PPM1E: variants seen among roughly 807,000 people sequenced by gnomAD.
PPM1E encodes the protein protein phosphatase 1E.
A neutral mutation model predicts 65.9 loss-of-function variants in PPM1E; 20 were observed. The observed-to-expected ratio is 0.30, with a 90% CI of 0.21 to 0.44. PPM1E has a LOEUF of 0.44. Ranked by LOEUF, PPM1E falls within the 20% of genes least tolerant of loss-of-function variation. The pLI is 1.00. For synonymous variants in PPM1E, 352 were observed against 374.9 expected (o/e 0.94, Z 0.70); for missense variants, 713 against 953.1 (o/e 0.75, Z 3.32).
chr17:58,943,303 A>G (rs1410338401), intron 1 of PPM1E, among the ~76,000 whole-genome samples: 1 of 152,150 alleles, frequency 6.6e-6, no homozygotes, highest in East Asian at 1.9e-4. Flanking sequence ...ACTTAAATAA[A>G]AAACAAAACA....
chr17:58,773,621 G>C (rs892761873), intron 1 of PPM1E, among the ~76,000 whole-genome samples: 2 of 152,066 alleles, frequency 1.3e-5, no homozygotes, highest in African/African-American at 4.8e-5. Flanking sequence ...CCTTGAAGCA[G>C]AATTCATGTT....
intron 1 of PPM1E, among the ~76,000 whole-genome samples, chr17:58,827,912 AATAAT>A (rs2050558113): frequency 1.6e-5 from 2 of 125,834 alleles, no homozygotes; most frequent in African/African-American, 3.1e-5. Context: ...AAAAAAAAAA[AATAAT>A]AATAATAATA....
At chr17:58,831,875 A>G (rs1328042449) in intron 1 of PPM1E, among the ~76,000 whole-genome samples, 1 of 152,170 alleles carries the variant, frequency 6.6e-6, no homozygotes, top group African/African-American at 2.4e-5. Flanking sequence ...GGTTTCTGAG[A>G]TAAATACATG....
At chr17:58,804,891 A>G (rs34318942) in intron 1 of PPM1E, among the ~76,000 whole-genome samples, 6,346 of 152,208 alleles carry the variant, frequency 0.042, 195 homozygotes, top group Non-Finnish European at 0.062. Context: ...GGAACATTTC[A>G]AATTCTCTGT....
intron 1 of PPM1E, among the ~76,000 whole-genome samples, chr17:58,778,927 C>CATATATATAT (rs59563297): frequency 0.026 from 2,700 of 103,400 alleles, 92 homozygotes; most frequent in Non-Finnish European, 0.033. Context: ...ATGATACATA[C>CATATATATAT]ATATATATAT....
intron 6 of PPM1E, among the ~76,000 whole-genome samples, chr17:58,977,644 GA>G (rs1411311434): frequency 6.6e-6 from 1 of 152,152 alleles, no homozygotes; most frequent in Non-Finnish European, 1.5e-5. Context: ...CAACCTGCTA[GA>G]TAGGGCATGT....
chr17:58,917,103 GGGAGGCTGA>G (rs1453725133), intron 1 of PPM1E, among the ~76,000 whole-genome samples: 1 of 151,670 alleles, frequency 6.6e-6, no homozygotes, highest in African/African-American at 2.4e-5. Flanking sequence ...CCAACTACTC[GGGAGGCTGA>G]GGCATGATAA....
Position 58,876,941 on chromosome 17 carries a change from G to A in PPM1E, c.465-78708G>A, listed in dbSNP as rs538922521. Among the ~76,000 whole-genome samples the A allele has an allele frequency of 3.5e-3, 524 of 151,822 alleles. 6 individuals carry two copies. The highest frequency in any genetic ancestry group is 0.012 in the African/African-American group (513 of 41,240). On this transcript the variant is annotated intron_variant, in intron 1 of 6. Coordinates refer to ENST00000308249, the MANE Select transcript of PPM1E (RefSeq NM_014906.5). ...TGGGACTACAGGCACCCGCCACCAC[G>A]CCCAGCTAATTTTTTGTATTTTCAG...
intron 1 of PPM1E, among the ~76,000 whole-genome samples, chr17:58,819,714 G>C (rs2050460834): frequency 6.6e-6 from 1 of 151,888 alleles, no homozygotes; most frequent in African/African-American, 2.4e-5. Context: ...TAAGAGAGAG[G>C]GCAGGAGGGA....
At chr17:58,845,075 C>T (rs1319249915) in intron 1 of PPM1E, among the ~76,000 whole-genome samples, 2 of 152,144 alleles carry the variant, frequency 1.3e-5, no homozygotes, top group Non-Finnish European at 2.9e-5. Flanking sequence ...TTGCCTGTGT[C>T]TGAATGCCCA....
At chr17:58,805,649 TC>T in intron 1 of PPM1E, among the ~76,000 whole-genome samples, 1 of 152,118 alleles carries the variant, frequency 6.6e-6, no homozygotes, top group South Asian at 2.1e-4. Flanking sequence ...TACCATTTTT[TC>T]CAGATATTTC....
intron 1 of PPM1E, among the ~76,000 whole-genome samples, chr17:58,876,915 C>G (rs1396184076): frequency 6.6e-6 from 1 of 152,084 alleles, no homozygotes; most frequent in Non-Finnish European, 1.5e-5. Flanking sequence ...TCCCGAGTAG[C>G]TGGGACTACA....
At chr17:58,969,936 C>A (rs1371610043) in intron 4 of PPM1E, among the ~76,000 whole-genome samples, 1 of 152,158 alleles carries the variant, frequency 6.6e-6, no homozygotes, top group Non-Finnish European at 1.5e-5. Flanking sequence ...TATAGAAAAT[C>A]TCAAGCTGTA....
At chr17:58,779,702 G>T (rs1014776962) in intron 1 of PPM1E, among the ~76,000 whole-genome samples, 2 of 152,072 alleles carry the variant, frequency 1.3e-5, no homozygotes, top group African/African-American at 4.8e-5. Context: ...AAGTAATTAA[G>T]GCTGACTGTA....
chr17:58,826,242 A>C (rs1350248325), intron 1 of PPM1E, among the ~76,000 whole-genome samples: 1 of 150,388 alleles, frequency 6.6e-6, no homozygotes, highest in African/African-American at 2.4e-5. Context: ...GGTTGCAGTG[A>C]GCCGAGATGG....
chr17:58,883,767 G>A (rs1238323415), intron 1 of PPM1E, among the ~76,000 whole-genome samples: 2 of 151,634 alleles, frequency 1.3e-5, no homozygotes, highest in Non-Finnish European at 2.9e-5. Flanking sequence ...TTACAGGCGT[G>A]AGCCACCGCG....
chr17:58,865,703 AAAAC>A (rs953521066), intron 1 of PPM1E, among the ~76,000 whole-genome samples: 3 of 152,208 alleles, frequency 2.0e-5, no homozygotes, highest in Admixed American at 6.5e-5. Flanking sequence ...CCTGTCTCAA[AAAAC>A]AAACAAACAA....
At chr17:58,828,840 A>G (rs1325364656) in intron 1 of PPM1E, among the ~76,000 whole-genome samples, 1 of 152,066 alleles carries the variant, frequency 6.6e-6, no homozygotes, top group Non-Finnish European at 1.5e-5. Context: ...TGTTTTTTAA[A>G]TTATAGACAG....
chr17:58,922,908 C>A (rs918598095), intron 1 of PPM1E, among the ~76,000 whole-genome samples: 2 of 151,968 alleles, frequency 1.3e-5, no homozygotes, highest in Non-Finnish European at 1.5e-5. Flanking sequence ...TGGTCTTGAT[C>A]TCCTGACCTA....
Sources: gnomAD v4.1 joint callset for allele counts (sites outside exome capture counted in the v4.1 genomes callset) on GRCh38, gnomAD v4.1.1 for gene constraint, MANE v1.5 for transcripts, NCBI Gene and HGNC (gene_info 2026-07-23, HGNC 2026-07-21) for gene names.